Variants in SIM2 observed in about 807,000 individuals in gnomAD.
SIM2 encodes SIM bHLH transcription factor 2, also known as single-minded homolog 2.
A neutral mutation model predicts 64.8 loss-of-function variants in SIM2; 28 were observed. That is an observed-to-expected ratio of 0.43 (90% confidence interval 0.32 to 0.59). The LOEUF (loss-of-function observed/expected upper bound fraction) is 0.59. Ranked by LOEUF, SIM2 falls within the 20% of genes least tolerant of loss-of-function variation. The pLI is 0.07. For missense variants in SIM2, 847 were observed against 871.4 expected, an observed-to-expected ratio of 0.97 and a Z score of 0.35; for synonymous variants, 408 against 391.1, an observed-to-expected ratio of 1.04 and a Z score of -0.51.
In SIM2 at chr21:36,745,673, C is replaced by T. The variant is rs2089219940; in HGVS notation, c.1576+537C>T. 8.3e-7 allele frequency: 1 copy of T among 1,198,822 alleles called. No homozygotes were observed. The highest frequency in any genetic ancestry group is 1.1e-6 in the Non-Finnish European group (1 of 928,236). 74.3% of individuals were successfully genotyped at this position (1,198,822 alleles called of 1,614,324 possible). ...AACCCTCCAGGCCTCAGTTTCTTCA[C>T]CTGTAAAATGGGGTGAAGCTGTGAT... On this transcript the variant is annotated intron_variant, in intron 10 of 10. Transcript: ENST00000290399. This position sits in a 1 kb window ranked among gnomAD's most constrained non-coding sequence, Gnocchi z 4.8.
chr21:36,737,083 T>C (rs1450284072), intron 7 of SIM2, among the ~76,000 whole-genome samples: 1 of 152,052 alleles, frequency 6.6e-6, no homozygotes, highest in East Asian at 1.9e-4. Context: ...TGTACCACCA[T>C]ACCCAGCGAA....
rs2089250019 is a variant in SIM2 at position 36,747,777 on chromosome 21, G to C, written c.1689G>C (p.Gln563His). The C allele has an allele frequency of 9.0e-7, 1 of 1,113,848 alleles. No individual in the cohort carries two copies. Among genetic ancestry groups the C allele is most frequent in the Admixed American group, 5.1e-5 (1 of 19,524 alleles). 69.0% of individuals were successfully genotyped at this position (1,113,848 alleles called of 1,614,324 possible). A position where few individuals can be genotyped will look rare whatever the true frequency, so the allele number is the denominator to read the frequency against. ...PALGPAKAAR[Q>H]AARDGARLAL... The stretch of plus-strand genomic sequence containing the variant: ...TGGGCCCGGCCAAAGCCGCCCGCCA[G>C]GCCGCCCGGGACGGGGCGCGGCTGG... The change falls in exon 11 of 11, where the codon CAG becomes CAC. Residue 563 changes from glutamine to histidine, a missense_variant. Coordinates refer to ENST00000290399, the MANE Select transcript of SIM2 (RefSeq NM_005069.6). The surrounding 1 kb of genome is among the most constrained non-coding windows in gnomAD (Gnocchi z 4.5).
At chr21:36,733,347 C>T (rs1383568718) in intron 7 of SIM2, among the ~76,000 whole-genome samples, 2 of 151,974 alleles carry the variant, frequency 1.3e-5, no homozygotes, top group African/African-American at 4.8e-5. Context: ...GTCTCAGCCT[C>T]CCAAGTAGCT....
At chr21:36,722,350 C>A (rs926526243) in intron 4 of SIM2, among the ~76,000 whole-genome samples, 2 of 152,174 alleles carry the variant, frequency 1.3e-5, no homozygotes, top group African/African-American at 4.8e-5. Flanking sequence ...GGGTGGAAGA[C>A]TTTGCTTCCA....
rs1234789275 is a variant in SIM2, at chr21:36,731,118, G to A, written c.817G>A (p.Asp273Asn). Residue 273 changes from aspartate (D) to asparagine (N), a missense_variant, in exon 7 of 11, where the codon GAC becomes AAC. By Grantham distance (23) the Asp-to-Asn change is conservative. Coordinates refer to ENST00000290399, the MANE Select transcript of SIM2 (RefSeq NM_005069.6). ...KTLYHHVHGC[D>N]VFHLRYAHHL... ...CCTATACCATCACGTGCACGGCTGC[G>A]ACGTGTTCCACCTCCGCTACGCACA... 4 of 1,613,826 alleles carry A rather than the reference G, an allele frequency of 2.5e-6. No homozygotes were observed. The highest frequency in any genetic ancestry group is 1.3e-5 in the African/African-American group (1 of 74,916).
chr21:36,706,569 T>G (rs1466953657), intron 1 of SIM2, among the ~76,000 whole-genome samples: 2 of 152,254 alleles, frequency 1.3e-5, no homozygotes, highest in African/African-American at 2.4e-5. Context: ...GTGCCTCACT[T>G]TCGTGGGAGT....
intron 5 of SIM2, among the ~76,000 whole-genome samples, chr21:36,724,889 G>A (rs1368690117): frequency 2.6e-5 from 4 of 152,116 alleles, no homozygotes; most frequent in Non-Finnish European, 5.9e-5. Flanking sequence ...CTGTACAGAT[G>A]TTTCTGTTTG....
chr21:36,714,063 C>A (rs745380686), intron 3 of SIM2, among the ~76,000 whole-genome samples: 3 of 152,184 alleles, frequency 2.0e-5, no homozygotes, highest in African/African-American at 7.2e-5. Context: ...AAAGTAAATG[C>A]GGTCTTTCCA....
chr21:36,722,876 G>A (rs2088842272), intron 4 of SIM2, among the ~76,000 whole-genome samples, 169 bp from the exon 5 acceptor site: 1 of 152,146 alleles, frequency 6.6e-6, no homozygotes, highest in Non-Finnish European at 1.5e-5. Flanking sequence ...TGTCTCCACT[G>A]CCCCACCCAG....
chr21:36,710,591 C>T lies in SIM2; in HGVS notation c.258+1341C>T, dbSNP rs936623535. ...TTTCCGCCCTCTATTTTGTGTTTTA[C>T]TTTAAAATAATAATAAAAAAAATGT... On this transcript the variant is annotated intron_variant, in intron 2 of 10. Coordinates refer to ENST00000290399, the MANE Select transcript of SIM2 (RefSeq NM_005069.6). The T allele has an allele frequency of 4.1e-5, 4 of 97,332 alleles. 1 individual carries two copies. Among genetic ancestry groups the T allele is most frequent in the Admixed American group, 2.1e-4 (2 of 9,740 alleles). The allele number at this position is 97,332 out of a possible 1,614,324, so 6.0% of individuals were successfully genotyped here.
intron 2 of SIM2, among the ~76,000 whole-genome samples, chr21:36,710,967 A>G (rs745959958): frequency 6.6e-6 from 1 of 152,214 alleles, no homozygotes; most frequent in Non-Finnish European, 1.5e-5. Context: ...GGGAACTTCA[A>G]TGAAAACCTG....
chr21:36,719,726 C>G, intron 3 of SIM2, 95 bp from the exon 4 acceptor site: 1 of 745,526 alleles, frequency 1.3e-6, no homozygotes, highest in Non-Finnish European at 2.5e-6. Context: ...AAGTTCTGTT[C>G]CTGGCAGGGT....
intron 7 of SIM2, among the ~76,000 whole-genome samples, chr21:36,732,333 G>A (rs1334770891): frequency 2.0e-5 from 3 of 152,264 alleles, no homozygotes; most frequent in Admixed American, 1.3e-4. Flanking sequence ...GTCTTCTGCA[G>A]TGTGGCCCAG....
chr21:36,746,614 G>C (rs2089229726), intron 10 of SIM2, among the ~76,000 whole-genome samples: 1 of 152,198 alleles, frequency 6.6e-6, no homozygotes, highest in South Asian at 2.1e-4. Flanking sequence ...ACTTAGAAAA[G>C]ACCACATTGG....
chr21:36,701,879 C>T (rs1415697386), intron 1 of SIM2, among the ~76,000 whole-genome samples: 2 of 152,186 alleles, frequency 1.3e-5, no homozygotes, highest in Admixed American at 1.3e-4. Context: ...GTGTGGAATC[C>T]GGACGAGAGG....
chr21:36,700,299 C>CCTTTCTTTCTTT, intron 1 of SIM2, among the ~76,000 whole-genome samples: 1 of 150,066 alleles, frequency 6.7e-6, no homozygotes, highest in African/African-American at 2.5e-5. Flanking sequence ...CTCTTTCTTT[C>CCTTTCTTTCTTT]CTTTCTTTCT....
rs1164175327 is a variant in SIM2, at chr21:36,749,132, CAG to C, written c.*1042_*1043del. On this transcript the variant is annotated 3_prime_UTR_variant, in exon 11 of 11. Transcript: ENST00000290399. ...ACATGTTACGTGTGCAACAGGTAAACAGAAATCCTTTCATAAAGCACCAGCAG... is the reference window on the plus strand; with the variant it reads ...ACATGTTACGTGTGCAACAGGTAAACAAATCCTTTCATAAAGCACCAGCAG... 3 of 152,624 alleles carry C rather than the reference CAG, an allele frequency of 2.0e-5. No individual in the cohort carries two copies. Among genetic ancestry groups the C allele is most frequent in the African/African-American group, 7.2e-5 (3 of 41,438 alleles). The allele number at this position is 152,624 out of a possible 1,614,324, so 9.5% of individuals were successfully genotyped here.
At chr21:36,744,702 CT>C in intron 9 of SIM2, 25 bp from the exon 10 acceptor site, 1 of 1,555,184 alleles carries the variant, frequency 6.4e-7, no homozygotes, top group South Asian at 1.2e-5. Flanking sequence ...CTCGCTGGCC[CT>C]TCATCCATCT....
Position 36,726,861 on chromosome 21 carries a change from C to G in SIM2, c.743+543C>G, listed in dbSNP as rs1490188658. 9.2e-5 allele frequency among the ~76,000 whole-genome samples: 14 copies of G among 152,108 alleles called. No homozygotes were observed. Among genetic ancestry groups the G allele is most frequent in the Admixed American group, 9.2e-4 (14 of 15,276 alleles). On this transcript the variant is annotated intron_variant, in intron 6 of 10. Transcript: ENST00000290399. The surrounding 1 kb of genome is among the most constrained non-coding windows in gnomAD (Gnocchi z 4.5). The stretch of plus-strand genomic sequence containing the variant: ...CAGCTCATGGGTGCCCTGTCTACAT[C>G]TGGGCTGGGAGGAGGGGATTGGATG...
Sources: allele counts gnomAD v4.1 joint callset (sites outside exome capture counted in the v4.1 genomes callset), GRCh38; gene constraint gnomAD v4.1.1; non-coding constraint Gnocchi (gnomAD v3.1); transcripts MANE v1.5; gene names NCBI Gene and HGNC (gene_info 2026-07-23, HGNC 2026-07-21).